The following KCNH1 variants were observed in gnomAD, a reference collection of about 807,000 sequenced individuals.
The protein encoded by KCNH1 is potassium voltage-gated channel subfamily H member 1.
KCNH1 carries 27 observed loss-of-function variants against 69.2 expected under a neutral mutation model. The ratio of observed to expected loss-of-function variants is 0.39; its 90% CI spans 0.29 to 0.54. The LOEUF (loss-of-function observed/expected upper bound fraction) is 0.54. Ranked by LOEUF, KCNH1 falls within the 20% of genes least tolerant of loss-of-function variation. The pLI is 0.68. For synonymous variants in KCNH1, 456 were observed against 487.7 expected (o/e 0.93, Z 0.86); for missense variants, 798 against 1,261.6 (o/e 0.63, Z 5.57).
chr1:211,041,086 A>G (rs957294539), intron 5 of KCNH1, among the ~76,000 whole-genome samples: 1 of 152,166 alleles, frequency 6.6e-6, no homozygotes, highest in Non-Finnish European at 1.5e-5. Context: ...CTCTTTTGCT[A>G]TTTCCCTTTA....
chr1:210,851,186 A>G (rs1364813485), intron 7 of KCNH1, among the ~76,000 whole-genome samples: 3 of 152,242 alleles, frequency 2.0e-5, no homozygotes, highest in Non-Finnish European at 4.4e-5. Context: ...GCCTTTGGAA[A>G]GTGATGACTC....
intron 6 of KCNH1, among the ~76,000 whole-genome samples, chr1:210,970,877 C>T (rs1214222486): frequency 2.6e-5 from 4 of 151,952 alleles, no homozygotes; most frequent in African/African-American, 9.7e-5. Flanking sequence ...AAAATTTTTG[C>T]AATCTATCCA....
chr1:211,096,563 A>G (rs1182644875), intron 3 of KCNH1, among the ~76,000 whole-genome samples: 1 of 152,220 alleles, frequency 6.6e-6, no homozygotes, highest in Non-Finnish European at 1.5e-5. Flanking sequence ...AAAACTAGAA[A>G]AATCAACACT....
intron 7 of KCNH1, among the ~76,000 whole-genome samples, chr1:210,912,053 C>T (rs1334700606): frequency 1.3e-5 from 2 of 152,148 alleles, no homozygotes; most frequent in Non-Finnish European, 2.9e-5. Context: ...AAACCCAGTC[C>T]AGCCACCTCT....
At chr1:210,973,475 C>A (rs1474755216) in intron 6 of KCNH1, among the ~76,000 whole-genome samples, 1 of 152,094 alleles carries the variant, frequency 6.6e-6, no homozygotes, top group Non-Finnish European at 1.5e-5. Context: ...ATATAGCTAT[C>A]CTTTCGTTTC....
intron 10 of KCNH1, among the ~76,000 whole-genome samples, chr1:210,731,489 A>G (rs1024230477): frequency 1.3e-5 from 2 of 152,120 alleles, no homozygotes; most frequent in African/African-American, 2.4e-5. Flanking sequence ...AAAATTATTT[A>G]CAGAGGCTTA....
At chr1:210,950,353 A>G (rs1216541479) in intron 6 of KCNH1, among the ~76,000 whole-genome samples, 1 of 75,374 alleles carries the variant, frequency 1.3e-5, no homozygotes, top group African/African-American at 6.5e-5. Flanking sequence ...ATATCTCCCA[A>G]TGCTATCCCT....
intron 7 of KCNH1, chr1:210,859,768 C>T: frequency 2.0e-6 from 2 of 1,022,006 alleles, no homozygotes; most frequent in Admixed American, 1.7e-5. Flanking sequence ...AGCACAGAGA[C>T]TGAGAACACA....
intron 6 of KCNH1, among the ~76,000 whole-genome samples, chr1:211,001,268 A>T (rs140544295): frequency 0.024 from 3,651 of 152,332 alleles, 155 homozygotes; most frequent in African/African-American, 0.084. Context: ...TACTCATCTG[A>T]CAAAGGGCTA....
At chr1:210,798,689 A>T (rs375780249) in intron 8 of KCNH1, among the ~76,000 whole-genome samples, 2 of 152,226 alleles carry the variant, frequency 1.3e-5, no homozygotes, top group East Asian at 3.8e-4. Flanking sequence ...CAAGGAATCT[A>T]GTTAGGTCCC....
At chr1:210,696,359 A>T (rs1681639056) in intron 10 of KCNH1, among the ~76,000 whole-genome samples, 1 of 152,082 alleles carries the variant, frequency 6.6e-6, no homozygotes, top group Non-Finnish European at 1.5e-5. Context: ...TTCCATTATT[A>T]ATCCCTGGGT....
chr1:210,831,046 A>G (rs1685151547), intron 7 of KCNH1, among the ~76,000 whole-genome samples: 1 of 152,200 alleles, frequency 6.6e-6, no homozygotes. Flanking sequence ...AAAAATACCT[A>G]CTGATTATGG....
chr1:210,695,618 A>G (rs1014096135), intron 10 of KCNH1, among the ~76,000 whole-genome samples: 40 of 152,300 alleles, frequency 2.6e-4, no homozygotes, highest in African/African-American at 8.9e-4. Context: ...GTGACCCCAA[A>G]ACTAGAAGGG....
In KCNH1 at chr1:210,930,429, TG is replaced by T. The variant is rs202228525; in HGVS notation, c.1033-10361del. Among the ~76,000 whole-genome samples, 135 of 151,900 alleles carry T rather than the reference TG, an allele frequency of 8.9e-4. 3 individuals are homozygous for T. In the East Asian group the frequency reaches 0.021, roughly 24 times the overall value. Reference sequence around the variant, plus strand: ...TTGACATAGCAAACAAAAAATAAAGTGGGGAAAAGACACTGATTCAACAAAT... The same window carrying T: ...TTGACATAGCAAACAAAAAATAAAGTGGGAAAAGACACTGATTCAACAAAT... On this transcript the variant is annotated intron_variant, in intron 6 of 10. Transcript: ENST00000271751.
At chr1:210,770,921 A>G (rs1309903478) in intron 10 of KCNH1, among the ~76,000 whole-genome samples, 1 of 152,210 alleles carries the variant, frequency 6.6e-6, no homozygotes, top group Non-Finnish European at 1.5e-5. Context: ...TCTGCCACTT[A>G]TTAACCGGGC....
chr1:210,880,570 C>T (rs1308498554), intron 7 of KCNH1, among the ~76,000 whole-genome samples: 1 of 152,164 alleles, frequency 6.6e-6, no homozygotes, highest in Non-Finnish European at 1.5e-5. Context: ...CCATACACCT[C>T]TGACAAAAAT....
chr1:210,728,413 A>C (rs2149030039), intron 10 of KCNH1, among the ~76,000 whole-genome samples: 1 of 152,382 alleles, frequency 6.6e-6, no homozygotes, highest in Middle Eastern at 3.4e-3. Context: ...ACAGGTGATA[A>C]AAAGGATGGA....
At chr1:210,915,420 C>A (rs1445637794) in intron 7 of KCNH1, among the ~76,000 whole-genome samples, 2 of 152,184 alleles carry the variant, frequency 1.3e-5, no homozygotes, top group African/African-American at 4.8e-5. Flanking sequence ...AGAGGGCTGG[C>A]ATGGCCTTGT....
chr1:210,718,855 G>A (rs1682377463), intron 10 of KCNH1, among the ~76,000 whole-genome samples: 1 of 151,826 alleles, frequency 6.6e-6, no homozygotes, highest in Admixed American at 6.6e-5. Context: ...TGAAGAGGTG[G>A]CTAAGAGGGA....
Sources: gnomAD v4.1 joint callset for allele counts (sites outside exome capture counted in the v4.1 genomes callset) on GRCh38, gnomAD v4.1.1 for gene constraint, MANE v1.5 for transcripts, NCBI Gene and HGNC (gene_info 2026-07-23, HGNC 2026-07-21) for gene names.